The following STK32A variants were observed in gnomAD, a reference collection of about 807,000 sequenced individuals.
STK32A encodes serine/threonine kinase 32A.
Under a neutral mutation model 53.2 loss-of-function variants are expected in STK32A, and 41 were observed. The observed-to-expected ratio is 0.77, with a 90% CI of 0.60 to 1.00. The LOEUF (loss-of-function observed/expected upper bound fraction) is 1.00, where lower values mean the gene tolerates loss of function less well. Among genes scored for constraint, STK32A ranks in the 50% least tolerant of loss-of-function variants. STK32A has a pLI of 0.00. For synonymous variants in STK32A, 166 were observed against 162.8 expected (o/e 1.02, Z -0.15); for missense variants, 458 against 485.8 (o/e 0.94, Z 0.54).
chr5:147,322,829 C>T (rs893437656), intron 4 of STK32A, among the ~76,000 whole-genome samples: 2 of 152,154 alleles, frequency 1.3e-5, no homozygotes, highest in Non-Finnish European at 2.9e-5. Flanking sequence ...AATTCCTCAT[C>T]CCTACACTCC....
chr5:147,247,644 G>T (rs1753814454), intron 2 of STK32A, among the ~76,000 whole-genome samples: 1 of 152,128 alleles, frequency 6.6e-6, no homozygotes, highest in Non-Finnish European at 1.5e-5. Flanking sequence ...AAGTAATACA[G>T]TCTCTGTCAC....
chr5:147,332,194 T>G (rs1754903515), intron 5 of STK32A, among the ~76,000 whole-genome samples: 1 of 152,220 alleles, frequency 6.6e-6, no homozygotes, highest in African/African-American at 2.4e-5. Flanking sequence ...AAAACTTGTT[T>G]GTATTGTTTG....
At chr5:147,362,644 G>A (rs976955164) in intron 8 of STK32A, among the ~76,000 whole-genome samples, 1 of 152,100 alleles carries the variant, frequency 6.6e-6, no homozygotes, top group Admixed American at 6.6e-5. Context: ...ACATTCAACA[G>A]TCCCAAAAGT....
intron 9 of STK32A, 48 bp downstream of exon 9, chr5:147,370,818 G>A (rs1438946617): frequency 1.6e-6 from 2 of 1,235,846 alleles, no homozygotes; most frequent in South Asian, 1.2e-5. Context: ...AAGGAAGCAG[G>A]CTCTCTGGCT....
intron 1 of STK32A, among the ~76,000 whole-genome samples, chr5:147,236,906 A>G (rs1580966721): frequency 1.3e-5 from 2 of 152,206 alleles, no homozygotes; most frequent in East Asian, 1.9e-4. Flanking sequence ...AGAAAGATAT[A>G]AGAATGACAG....
chr5:147,249,930 A>AAG (rs1753913119), intron 2 of STK32A, among the ~76,000 whole-genome samples: 1 of 151,298 alleles, frequency 6.6e-6, no homozygotes, highest in South Asian at 2.1e-4. Flanking sequence ...AAAAAAAAAA[A>AAG]AAGTGGCCTC....
chr5:147,352,194 A>G (rs780294534), intron 7 of STK32A, among the ~76,000 whole-genome samples: 1 of 152,220 alleles, frequency 6.6e-6, no homozygotes, highest in Non-Finnish European at 1.5e-5. Flanking sequence ...CCTGAGTGAT[A>G]AAGTGAGACT....
In STK32A at chr5:147,373,225, C is replaced by A; in HGVS notation, c.834C>A (p.Phe278Leu). The change falls in exon 10 of 13, where the codon TTC becomes TTA. Residue 278 changes from phenylalanine (F) to leucine (L), a missense_variant. Coordinates refer to ENST00000397936, the MANE Select transcript of STK32A (RefSeq NM_001112724.2). ...CTCAGTTATCTGATGTCCAGAACTT[C>A]CCGTATATGAATGATATAAACTGGG... ...RFSQLSDVQN[F>L]PYMNDINWDA... 1.2e-6 allele frequency: 2 copies of A among 1,613,434 alleles called. No homozygotes were observed. The highest frequency in any genetic ancestry group is 1.7e-6 in the Non-Finnish European group (2 of 1,179,582).
At chr5:147,324,143 A>C (rs1479006468) in intron 5 of STK32A, 72 bp downstream of exon 5, 2 of 1,379,032 alleles carry the variant, frequency 1.5e-6, no homozygotes, top group African/African-American at 2.9e-5. Context: ...ACCTTCAATA[A>C]ATTCTTATTG....
chr5:147,240,855 A>G (rs961560149), intron 2 of STK32A, among the ~76,000 whole-genome samples: 7 of 152,150 alleles, frequency 4.6e-5, no homozygotes, highest in Non-Finnish European at 8.8e-5. Flanking sequence ...CTCTCTTCCC[A>G]TTTCTAGAGT....
At chr5:147,244,555 G>A (rs776473660) in intron 2 of STK32A, among the ~76,000 whole-genome samples, 1 of 152,210 alleles carries the variant, frequency 6.6e-6, no homozygotes, top group Admixed American at 6.5e-5. Context: ...AGTCTCAGCT[G>A]TGCCACGTGC....
At chr5:147,308,650 A>G (rs1753541127) in intron 4 of STK32A, among the ~76,000 whole-genome samples, 1 of 151,868 alleles carries the variant, frequency 6.6e-6, no homozygotes, top group Non-Finnish European at 1.5e-5. Flanking sequence ...AGAGTTTATA[A>G]AATATTTGCT....
chr5:147,372,635 T>A (rs939116911), intron 9 of STK32A, among the ~76,000 whole-genome samples: 1 of 152,082 alleles, frequency 6.6e-6, no homozygotes, highest in Admixed American at 6.6e-5. Flanking sequence ...AAATCTTTTA[T>A]CTCAATTAGT....
intron 4 of STK32A, among the ~76,000 whole-genome samples, chr5:147,308,254 G>C (rs1288362983): frequency 6.6e-6 from 1 of 151,664 alleles, no homozygotes; most frequent in East Asian, 1.9e-4. Flanking sequence ...AGTTTTTCAT[G>C]TAGAGGTCTA....
chr5:147,282,504 G>A (rs144906049), intron 4 of STK32A, among the ~76,000 whole-genome samples: 1 of 152,224 alleles, frequency 6.6e-6, no homozygotes, highest in African/African-American at 2.4e-5. Context: ...ATCACAGAAT[G>A]GATAAGAACT....
chr5:147,255,208 G>A (rs953329021), intron 2 of STK32A, among the ~76,000 whole-genome samples: 16 of 152,294 alleles, frequency 1.1e-4, no homozygotes, highest in African/African-American at 3.4e-4. Flanking sequence ...AAGAAATTTA[G>A]AACTCATATC....
chr5:147,390,144 A>G (rs150420470), downstream of STK32A, among the ~76,000 whole-genome samples: 2 of 152,320 alleles, frequency 1.3e-5, no homozygotes, highest in East Asian at 3.9e-4. Flanking sequence ...AAAAGGGTGT[A>G]GTATAATAGG....
At chr5:147,346,303 G>A (rs2151990874) in intron 6 of STK32A, among the ~76,000 whole-genome samples, 1 of 152,248 alleles carries the variant, frequency 6.6e-6, no homozygotes, top group Non-Finnish European at 1.5e-5. Flanking sequence ...GCTGTCGCTT[G>A]GGCCTCATGT....
intron 2 of STK32A, among the ~76,000 whole-genome samples, chr5:147,258,461 A>G (rs1015503873): frequency 2.0e-5 from 3 of 152,130 alleles, no homozygotes; most frequent in Admixed American, 6.6e-5. Flanking sequence ...TGTTTCTTCA[A>G]TAGCTTTACA....
Sources: gnomAD v4.1 joint callset for allele counts (sites outside exome capture counted in the v4.1 genomes callset) on GRCh38, gnomAD v4.1.1 for gene constraint, MANE v1.5 for transcripts, NCBI Gene and HGNC (gene_info 2026-07-23, HGNC 2026-07-21) for gene names.